Variants in THBS4 observed in about 807,000 individuals in gnomAD.
The protein encoded by THBS4 is thrombospondin 4.
THBS4 carries 90 observed loss-of-function variants against 115.7 expected under a neutral mutation model. The observed-to-expected ratio is 0.78, with a 90% confidence interval of 0.66 to 0.93. THBS4 has a LOEUF of 0.93. Among genes scored for constraint, THBS4 ranks in the 40% least tolerant of loss-of-function variants. The probability of loss-of-function intolerance (pLI) is 0.00; values close to 1 mark genes in which losing one functional copy is unlikely to be tolerated. For missense variants in THBS4, 1,087 were observed against 1,232.7 expected (o/e 0.88, Z 1.77); for synonymous variants, 460 against 479.3 (o/e 0.96, Z 0.53).
At chr5:80,058,582 A>T (rs538182863) in intron 4 of THBS4, 126 bp from the exon 5 acceptor site, 7 of 830,592 alleles carry the variant, frequency 8.4e-6, no homozygotes. Flanking sequence ...CCCCAAATTA[A>T]ATTCAAAGAT....
intron 9 of THBS4, chr5:80,067,204 T>C (rs1315300509): frequency 6.6e-6 from 1 of 152,082 alleles, no homozygotes; most frequent in Non-Finnish European, 1.5e-5. Flanking sequence ...ACTATGTCAG[T>C]TGATGGATGT....
chr5:80,066,116 CT>C (rs1833816164), intron 9 of THBS4, among the ~76,000 whole-genome samples: 1 of 138,136 alleles, frequency 7.2e-6, no homozygotes, highest in Non-Finnish European at 1.6e-5. Context: ...AAAAAAAAAA[CT>C]TTTCAAAACT....
intron 2 of THBS4, among the ~76,000 whole-genome samples, chr5:80,016,628 T>C (rs1832256096): frequency 6.6e-6 from 1 of 152,176 alleles, no homozygotes; most frequent in Admixed American, 6.5e-5. Context: ...AATATACACA[T>C]ATTATTGTAT....
At chr5:80,062,895 T>C (rs1035721278) in intron 8 of THBS4, among the ~76,000 whole-genome samples, 1 of 152,250 alleles carries the variant, frequency 6.6e-6, no homozygotes, top group Non-Finnish European at 1.5e-5. Flanking sequence ...TAATATTCCA[T>C]GGTGTATATG....
intron 20 of THBS4, 22 bp from the exon 21 acceptor site, chr5:80,082,384 C>T (rs201266325): frequency 6.2e-7 from 1 of 1,611,948 alleles, no homozygotes; most frequent in Non-Finnish European, 8.5e-7. Context: ...CATGGAGGCC[C>T]CTCCGGCCGT....
chr5:80,078,906 C>G lies in THBS4; in HGVS notation c.2266-15C>G. On this transcript the variant is annotated splice_polypyrimidine_tract_variant and intron_variant, in intron 17 of 21. Transcript: ENST00000350881. ...CCTTCAAGACTGTTCTGAACTCCCT[C>G]AACTCTCTCTGCAGGGCATGGAGAT... 6.8e-6 allele frequency: 11 copies of G among 1,613,182 alleles called. No homozygotes were observed. Among genetic ancestry groups the G allele is most frequent in the African/African-American group, 1.3e-5 (1 of 75,016 alleles).
At chr5:80,080,770 A>G (rs1743462137) in intron 20 of THBS4, among the ~76,000 whole-genome samples, 1 of 151,720 alleles carries the variant, frequency 6.6e-6, no homozygotes, top group Non-Finnish European at 1.5e-5. Context: ...TATTTTTAGT[A>G]GAGATGGGGT....
intron 21 of THBS4, 124 bp downstream of exon 21, chr5:80,082,669 T>TGATAGTCCCTG: frequency 8.6e-7 from 1 of 1,160,596 alleles, no homozygotes; most frequent in Non-Finnish European, 1.2e-6. Flanking sequence ...CATTAAAACC[T>TGATAGTCCCTG]GATAGTCCCT....
intron 2 of THBS4, among the ~76,000 whole-genome samples, chr5:80,017,870 A>C (rs1832281697): frequency 6.6e-6 from 1 of 151,890 alleles, no homozygotes; most frequent in African/African-American, 2.4e-5. Context: ...TTTGGGATTG[A>C]TCTTTTTTTT....
chr5:80,020,111 C>G (rs972659776), intron 2 of THBS4, among the ~76,000 whole-genome samples: 1 of 152,210 alleles, frequency 6.6e-6, no homozygotes, highest in Non-Finnish European at 1.5e-5. Flanking sequence ...AATGCTGTCT[C>G]CTGTGTATGT....
chr5:80,008,305 G>T (rs1208661199), intron 2 of THBS4, among the ~76,000 whole-genome samples: 3 of 152,170 alleles, frequency 2.0e-5, no homozygotes, highest in Admixed American at 6.5e-5. Context: ...AGAGTTGCCA[G>T]ATAAAATATA....
intron 2 of THBS4, among the ~76,000 whole-genome samples, chr5:80,016,363 C>G (rs955368258): frequency 2.6e-5 from 4 of 152,172 alleles, no homozygotes; most frequent in African/African-American, 7.2e-5. Flanking sequence ...AACACCTACA[C>G]TGTAGTGTTG....
intron 3 of THBS4, 58 bp downstream of exon 3, chr5:80,056,090 G>T: frequency 6.6e-7 from 1 of 1,518,688 alleles, no homozygotes; most frequent in South Asian, 1.3e-5. Flanking sequence ...TGCCTAGGGA[G>T]TGCAGAGGAG....
In THBS4 at chr5:80,026,588, G is replaced by A. The variant is rs373640112; in HGVS notation, n.178-13489G>A. Among the ~76,000 whole-genome samples, 4 of 152,286 alleles carry A rather than the reference G, an allele frequency of 2.6e-5. No individual in the cohort carries two copies. The South Asian group carries it at 6.2e-4, about 24-fold the overall frequency. On this transcript the variant is annotated intron_variant and non_coding_transcript_variant, in intron 2 of 3. Transcript: ENST00000510218. ...AACTGTGCCATTGTGCCACAAAAAT[G>A]GACACAGCATTGCTGTATTCCAATA...
chr5:80,024,197 CT>C (rs1832432161), intron 2 of THBS4, among the ~76,000 whole-genome samples: 1 of 152,204 alleles, frequency 6.6e-6, no homozygotes, highest in South Asian at 2.1e-4. Flanking sequence ...GCATCTTCAT[CT>C]TATGAATGAC....
upstream of THBS4, among the ~76,000 whole-genome samples, chr5:80,033,863 G>T (rs149790464): frequency 6.6e-6 from 1 of 152,306 alleles, no homozygotes; most frequent in African/African-American, 2.4e-5. Flanking sequence ...AATTCCCCAG[G>T]AGATTCTGGT....
chr5:80,010,122 T>A (rs573642099), intron 2 of THBS4, among the ~76,000 whole-genome samples: 2 of 152,318 alleles, frequency 1.3e-5, no homozygotes, highest in South Asian at 2.1e-4. Context: ...TCAGTTCTGA[T>A]CTACAGTTCA....
chr5:79,999,484 A>G (rs1357745088), intron 2 of THBS4, among the ~76,000 whole-genome samples: 1 of 152,168 alleles, frequency 6.6e-6, no homozygotes, highest in African/African-American at 2.4e-5. Flanking sequence ...ATTTTCTGAA[A>G]TGTTTAAAAA....
At chr5:80,029,616 C>T (rs943587503) in intron 2 of THBS4, among the ~76,000 whole-genome samples, 2 of 152,018 alleles carry the variant, frequency 1.3e-5, no homozygotes, top group East Asian at 1.9e-4. Context: ...CTTTACTAAT[C>T]GTCAGTGCCT....
Sources: allele counts gnomAD v4.1 joint callset (sites outside exome capture counted in the v4.1 genomes callset), GRCh38; gene constraint gnomAD v4.1.1; transcripts MANE v1.5; gene names NCBI Gene and HGNC (gene_info 2026-07-23, HGNC 2026-07-21).